Variants in PDE1A observed in about 807,000 individuals in gnomAD.
PDE1A encodes phosphodiesterase 1A.
A neutral mutation model predicts 61.7 loss-of-function variants in PDE1A; 35 were observed. That is an observed-to-expected ratio of 0.57 (90% CI 0.43 to 0.75). PDE1A has a LOEUF of 0.75. PDE1A is among the 30% of genes least tolerant of loss of function. PDE1A has a pLI of 0.00. For synonymous variants in PDE1A, 232 were observed against 213.2 expected (o/e 1.09, Z -0.77); for missense variants, 597 against 630.6 (o/e 0.95, Z 0.57).
the PDE1A span, among the ~76,000 whole-genome samples, chr2:182,641,688 C>T: frequency 3.9e-5 from 6 of 152,090 alleles, no homozygotes; most frequent in Admixed American, 6.5e-5. Context: ...TTTTACAACC[C>T]GAATAATGAC....
chr2:182,476,448 C>T (rs1275737224), intron 2 of PDE1A, among the ~76,000 whole-genome samples: 1 of 151,840 alleles, frequency 6.6e-6, no homozygotes, highest in Non-Finnish European at 1.5e-5. Flanking sequence ...CTGAGATCCC[C>T]ACTGCACTCA....
At chr2:182,357,544 T>C (rs1440512063) in intron 1 of PDE1A, among the ~76,000 whole-genome samples, 1 of 152,234 alleles carries the variant, frequency 6.6e-6, no homozygotes, top group Non-Finnish European at 1.5e-5. Flanking sequence ...GTTATTTTAC[T>C]GCCAACAGAT....
chr2:182,522,266 G>A (rs1195738128), intron 2 of PDE1A: 1 of 1,606,808 alleles, frequency 6.2e-7, no homozygotes, highest in Admixed American at 1.7e-5. Context: ...AAAGCAAAGA[G>A]CATACTCACA....
chr2:182,264,534 C>A, intron 1 of PDE1A, 120 bp from the exon 2 acceptor site: 3 of 623,618 alleles, frequency 4.8e-6, no homozygotes, highest in Non-Finnish European at 8.3e-6. Flanking sequence ...TCTAGGTCAA[C>A]AAATAGCATT....
intron 2 of PDE1A, among the ~76,000 whole-genome samples, chr2:182,481,557 T>C (rs1687703616): frequency 6.6e-6 from 1 of 151,922 alleles, no homozygotes; most frequent in Admixed American, 6.6e-5. Context: ...TTGATCATCA[T>C]AGAGAAACAT....
chr2:182,573,178 T>C, the PDE1A span, among the ~76,000 whole-genome samples: 161 of 152,266 alleles, frequency 1.1e-3, no homozygotes, highest in South Asian at 0.017. Context: ...TATGACTACA[T>C]TGTAATGACC....
chr2:182,336,607 AGG>A (rs1307244135), intron 1 of PDE1A, among the ~76,000 whole-genome samples: 1 of 152,088 alleles, frequency 6.6e-6, no homozygotes, highest in Non-Finnish European at 1.5e-5. Flanking sequence ...GTCACACACC[AGG>A]GCCTGTCAGC....
intron 1 of PDE1A, among the ~76,000 whole-genome samples, chr2:182,346,815 C>T (rs181811463): frequency 5.2e-4 from 79 of 152,158 alleles, no homozygotes; most frequent in African/African-American, 1.6e-3. Context: ...AATGACAATC[C>T]TATGATCACT....
chr2:182,657,436 T>C, the PDE1A span, among the ~76,000 whole-genome samples: 12 of 152,256 alleles, frequency 7.9e-5, no homozygotes, highest in African/African-American at 2.6e-4. Context: ...CAAAAGTGAT[T>C]AAGGATAAAC....
At chr2:182,605,267 A>ATATTTC in the PDE1A span, among the ~76,000 whole-genome samples, 1 of 152,044 alleles carries the variant, frequency 6.6e-6, no homozygotes, top group Admixed American at 6.6e-5. Flanking sequence ...TGCTAATCAA[A>ATATTTC]TATTTCTGGT....
intron 2 of PDE1A, among the ~76,000 whole-genome samples, chr2:182,491,180 T>C (rs577652281): frequency 1.4e-4 from 22 of 152,204 alleles, no homozygotes; most frequent in Non-Finnish European, 2.6e-4. Context: ...CAGTTTGTGG[T>C]CATACGTTTA....
At chr2:182,649,112 C>G in the PDE1A span, among the ~76,000 whole-genome samples, 1 of 152,276 alleles carries the variant, frequency 6.6e-6, no homozygotes, top group East Asian at 1.9e-4. Flanking sequence ...CTGAAACTAT[C>G]ATCTTCAGGC....
At chr2:182,415,415 A>G (rs527669560) in intron 1 of PDE1A, among the ~76,000 whole-genome samples, 3 of 152,296 alleles carry the variant, frequency 2.0e-5, no homozygotes, top group African/African-American at 7.2e-5. Flanking sequence ...ATGTCTGAAA[A>G]TATAGATTAA....
At chr2:182,558,601 G>C in the PDE1A span, among the ~76,000 whole-genome samples, 2 of 152,048 alleles carry the variant, frequency 1.3e-5, no homozygotes, top group Non-Finnish European at 2.9e-5. Context: ...CAAATATATA[G>C]TCAACTGCAA....
the PDE1A span, among the ~76,000 whole-genome samples, chr2:182,603,001 A>ACATACATG: frequency 2.7e-5 from 4 of 148,906 alleles, no homozygotes; most frequent in African/African-American, 1.0e-4. Flanking sequence ...ACACATACAT[A>ACATACATG]CATACATACA....
At chr2:182,372,891 C>T (rs141125639) in intron 1 of PDE1A, among the ~76,000 whole-genome samples, 1 of 152,202 alleles carries the variant, frequency 6.6e-6, no homozygotes, top group Non-Finnish European at 1.5e-5. Flanking sequence ...CAGGCTGGAA[C>T]AAGGCAGCAC....
At chr2:182,508,115 T>C (rs1191677002) in intron 2 of PDE1A, among the ~76,000 whole-genome samples, 1 of 152,038 alleles carries the variant, frequency 6.6e-6, no homozygotes, top group East Asian at 1.9e-4. Flanking sequence ...AATTCTTTTT[T>C]TTTTTTTAAG....
chr2:182,162,286 C>T (rs779526063), intron 13 of PDE1A, among the ~76,000 whole-genome samples: 1 of 152,040 alleles, frequency 6.6e-6, no homozygotes, highest in South Asian at 2.1e-4. Flanking sequence ...GCAAGGTGGG[C>T]GTAGTTACTG....
chr2:182,277,223 C>G (rs1693482846), intron 1 of PDE1A, among the ~76,000 whole-genome samples: 1 of 151,964 alleles, frequency 6.6e-6, no homozygotes, highest in Non-Finnish European at 1.5e-5. Flanking sequence ...ATAAAACTTG[C>G]TGGTTTTGTG....
Sources: gnomAD v4.1 joint callset for allele counts (sites outside exome capture counted in the v4.1 genomes callset) on GRCh38, gnomAD v4.1.1 for gene constraint, MANE v1.5 for transcripts, NCBI Gene and HGNC (gene_info 2026-07-23, HGNC 2026-07-21) for gene names.